Variants in STK33 observed in about 807,000 individuals in gnomAD.
STK33 encodes the protein serine/threonine-protein kinase 33.
In STK33, 52 loss-of-function variants were observed where a neutral mutation model predicts 58.0. That is an observed-to-expected ratio of 0.90 (90% confidence interval 0.72 to 1.13). The LOEUF is 1.13. Ranked by LOEUF, STK33 falls within the 50% of genes most tolerant of loss-of-function variation. The pLI is 0.00. For missense variants in STK33, 630 were observed against 604.2 expected (o/e 1.04, Z -0.45); for synonymous variants, 215 against 200.1 (o/e 1.07, Z -0.63).
intron 15 of STK33, among the ~76,000 whole-genome samples, chr11:8,405,652 T>C (rs1340875579): frequency 1.3e-5 from 2 of 152,192 alleles, no homozygotes; most frequent in Non-Finnish European, 2.9e-5. Flanking sequence ...GAAGATAGTC[T>C]CTTATGTTTT....
chr11:8,563,998 T>C (rs573341012), intron 1 of STK33, among the ~76,000 whole-genome samples: 11 of 152,332 alleles, frequency 7.2e-5, no homozygotes, highest in African/African-American at 2.6e-4. Context: ...GCAATATCTA[T>C]AGGGCCTCAT....
intron 14 of STK33, among the ~76,000 whole-genome samples, chr11:8,428,314 G>C (rs1415065779): frequency 1.3e-5 from 2 of 152,220 alleles, no homozygotes; most frequent in East Asian, 3.8e-4. Flanking sequence ...GTAAGCACTG[G>C]TGTCCCAAAG....
chr11:8,367,702 A>G, the STK33 span, among the ~76,000 whole-genome samples: 59 of 152,350 alleles, frequency 3.9e-4, no homozygotes, highest in Middle Eastern at 0.01. Flanking sequence ...CACTATCACC[A>G]TTCCTATTTT....
At chr11:8,362,854 C>G in the STK33 span, among the ~76,000 whole-genome samples, 1 of 151,588 alleles carries the variant, frequency 6.6e-6, no homozygotes, top group Non-Finnish European at 1.5e-5. Context: ...CTTTCTGCCT[C>G]TCTCCCTCCC....
chr11:8,538,737 TTGAA>T (rs888376518), intron 1 of STK33, among the ~76,000 whole-genome samples: 8 of 152,224 alleles, frequency 5.3e-5, no homozygotes, highest in African/African-American at 1.7e-4. Flanking sequence ...CGAATGCTTG[TTGAA>T]TGAATGAACA....
the STK33 span, among the ~76,000 whole-genome samples, chr11:8,335,332 G>A: frequency 6.6e-6 from 1 of 152,126 alleles, no homozygotes; most frequent in African/African-American, 2.4e-5. Flanking sequence ...GGAAACTCCC[G>A]AGGGCTCCCA....
At chr11:8,383,514 G>A in the STK33 span, among the ~76,000 whole-genome samples, 1 of 152,300 alleles carries the variant, frequency 6.6e-6, no homozygotes, top group South Asian at 2.1e-4. Context: ...TGAAGGAACA[G>A]TTCAGACAGT....
At chr11:8,381,423 G>C in the STK33 span, among the ~76,000 whole-genome samples, 2 of 152,154 alleles carry the variant, frequency 1.3e-5, no homozygotes, top group South Asian at 4.2e-4. Context: ...TAGGGCTCCT[G>C]CTGTTGACCC....
intron 15 of STK33, among the ~76,000 whole-genome samples, chr11:8,405,613 T>C (rs539211788): frequency 1.3e-5 from 2 of 152,220 alleles, no homozygotes; most frequent in Non-Finnish European, 2.9e-5. Flanking sequence ...GTGTCTATGT[T>C]CTAAGAATCT....
intron 1 of STK33, among the ~76,000 whole-genome samples, chr11:8,520,208 T>G (rs1953271393): frequency 1.3e-5 from 2 of 152,312 alleles, no homozygotes; most frequent in Admixed American, 1.3e-4. Context: ...TCAATAAATG[T>G]AATCCAGCAT....
chr11:8,565,275 A>G (rs1463544086), intron 1 of STK33, among the ~76,000 whole-genome samples: 1 of 152,232 alleles, frequency 6.6e-6, no homozygotes, highest in African/African-American at 2.4e-5. Context: ...AAAAAACTTC[A>G]CATTTTTAAC....
the STK33 span, among the ~76,000 whole-genome samples, chr11:8,358,602 C>T: frequency 6.6e-6 from 1 of 152,154 alleles, no homozygotes; most frequent in East Asian, 1.9e-4. Context: ...CTCTTCCACC[C>T]GAGGAATGGC....
intron 5 of STK33, 79 bp downstream of exon 5, chr11:8,474,602 G>T: frequency 9.9e-7 from 1 of 1,009,202 alleles, no homozygotes; most frequent in Non-Finnish European, 1.4e-6. Flanking sequence ...AAGAACTCAT[G>T]GGATATGGAT....
At position 8,392,479 on chromosome 11, in the gene STK33, GT is replaced by G; in HGVS notation, c.*30del. On this transcript the variant is annotated 3_prime_UTR_variant, in exon 16 of 16. Coordinates refer to ENST00000687296, the MANE Select transcript of STK33 (RefSeq NM_001352389.2). ...TCAAAGTGCTAACAAGAGCAGCTTTGTTTTTGTACTGTCCAACACTGGAGGG... is the reference window on the plus strand; with the variant it reads ...TCAAAGTGCTAACAAGAGCAGCTTTGTTTTGTACTGTCCAACACTGGAGGG... 6.2e-7 allele frequency: 1 copy of G among 1,612,900 alleles called. No individual in the cohort carries two copies. Among genetic ancestry groups the G allele is most frequent in the Non-Finnish European group, 8.5e-7 (1 of 1,179,586 alleles).
chr11:8,500,199 C>T (rs1292103276), intron 1 of STK33, among the ~76,000 whole-genome samples: 2 of 152,016 alleles, frequency 1.3e-5, no homozygotes, highest in African/African-American at 4.8e-5. Flanking sequence ...TCCTACACTA[C>T]AGCACAATTA....
chr11:8,503,479 G>A (rs991737057), intron 1 of STK33, among the ~76,000 whole-genome samples: 1 of 152,132 alleles, frequency 6.6e-6, no homozygotes, highest in Non-Finnish European at 1.5e-5. Context: ...AATGGAGGGT[G>A]AGAGGAGTGT....
intron 1 of STK33, among the ~76,000 whole-genome samples, chr11:8,553,195 TATGGTG>T (rs1956454930): frequency 1.4e-5 from 1 of 72,246 alleles, no homozygotes; most frequent in Admixed American, 1.5e-4. Flanking sequence ...TATATATATA[TATGGTG>T]TATATATATA....
intron 1 of STK33, among the ~76,000 whole-genome samples, chr11:8,492,952 A>G (rs4485102): frequency 0.99 from 151,133 of 152,306 alleles, 75,000 homozygotes; most frequent in East Asian, 1. Flanking sequence ...AAAGCAGTGT[A>G]TAGAGGGAAA....
Position 8,480,416 on chromosome 11 carries a change from T to C in STK33, c.-267A>G. 1 of 152,158 alleles carries C rather than the reference T, an allele frequency of 6.6e-6. No homozygotes were observed. The highest frequency in any genetic ancestry group is 1.5e-5 in the Non-Finnish European group (1 of 68,056). 9.4% of individuals were successfully genotyped at this position (152,158 alleles called of 1,614,324 possible). On this transcript the variant is annotated 5_prime_UTR_variant, in exon 2 of 16. Transcript: ENST00000687296. ...AAGTGGCAGTGTTCCTCACCTCCAC[T>C]GTAGAGATTTCAATATTATAATGGG...
Sources: gnomAD v4.1 joint callset for allele counts (sites outside exome capture counted in the v4.1 genomes callset) on GRCh38, gnomAD v4.1.1 for gene constraint, MANE v1.5 for transcripts, NCBI Gene and HGNC (gene_info 2026-07-23, HGNC 2026-07-21) for gene names.